GRIK4: variants seen among roughly 807,000 people sequenced by gnomAD.
The protein encoded by GRIK4 is glutamate receptor ionotropic, kainate 4.
In GRIK4, 40 loss-of-function variants were observed where a neutral mutation model predicts 104.9. The observed-to-expected ratio is 0.38, with a 90% CI of 0.30 to 0.50. The LOEUF (loss-of-function observed/expected upper bound fraction) is 0.50. GRIK4 is among the 20% of genes least tolerant of loss of function. The pLI, the probability that GRIK4 is intolerant of heterozygous loss-of-function variation, is 0.93. For synonymous variants in GRIK4, 485 were observed against 524.9 expected (o/e 0.92, Z 1.04); for missense variants, 1,047 against 1,308.1 (o/e 0.80, Z 3.08).
intron 1 of GRIK4, among the ~76,000 whole-genome samples, chr11:120,610,174 A>G (rs17245580): frequency 0.25 from 37,932 of 152,096 alleles, 5,377 homozygotes; most frequent in Non-Finnish European, 0.31. Flanking sequence ...TGGACTGCCT[A>G]TTATGATCCG....
chr11:120,624,153 T>G (rs532369911), intron 1 of GRIK4, among the ~76,000 whole-genome samples: 1 of 152,146 alleles, frequency 6.6e-6, no homozygotes, highest in East Asian at 1.9e-4. Flanking sequence ...TTTTAAGTGA[T>G]TAAACTGTTA....
intron 3 of GRIK4, among the ~76,000 whole-genome samples, chr11:120,747,100 T>A (rs530199801): frequency 6.6e-6 from 1 of 152,334 alleles, no homozygotes; most frequent in Admixed American, 6.5e-5. Flanking sequence ...AGGTGCGTGC[T>A]GTCGCCAAAC....
intron 14 of GRIK4, among the ~76,000 whole-genome samples, chr11:120,944,026 C>A (rs1943792392): frequency 6.6e-6 from 1 of 152,134 alleles, no homozygotes; most frequent in Non-Finnish European, 1.5e-5. Flanking sequence ...TCCTTAGGAC[C>A]AAAATAAGAA....
chr11:120,787,628 A>AG (rs1194138117), intron 3 of GRIK4, among the ~76,000 whole-genome samples: 1 of 149,990 alleles, frequency 6.7e-6, no homozygotes, highest in Non-Finnish European at 1.5e-5. Context: ...ACGCCCAGCT[A>AG]ATTTTTGTAT....
chr11:120,701,429 A>G (rs1185664289), intron 3 of GRIK4, among the ~76,000 whole-genome samples: 6 of 152,280 alleles, frequency 3.9e-5, no homozygotes, highest in African/African-American at 1.4e-4. Flanking sequence ...CTCTAGGTTC[A>G]TTCAGGTTGT....
At chr11:120,900,598 G>A (rs536373865) in intron 12 of GRIK4, among the ~76,000 whole-genome samples, 3 of 152,300 alleles carry the variant, frequency 2.0e-5, no homozygotes, top group East Asian at 3.9e-4. Flanking sequence ...AGCTGGAGCC[G>A]GGAAGGGCCT....
At chr11:120,620,095 T>C (rs765150077) in intron 1 of GRIK4, 4 of 734,282 alleles carry the variant, frequency 5.4e-6, no homozygotes, top group Admixed American at 1.8e-5. Flanking sequence ...ACTGGCCTCA[T>C]TGGTTTCGTT....
chr11:120,635,858 A>G (rs1173651189), intron 1 of GRIK4, among the ~76,000 whole-genome samples: 4 of 152,248 alleles, frequency 2.6e-5, no homozygotes, highest in Non-Finnish European at 5.9e-5. Flanking sequence ...TTGAATTTTT[A>G]GGAAGTGTAC....
At chr11:120,638,287 A>T (rs1244321065) in intron 1 of GRIK4, among the ~76,000 whole-genome samples, 1 of 152,188 alleles carries the variant, frequency 6.6e-6, no homozygotes, top group African/African-American at 2.4e-5. Flanking sequence ...CACTCTACAG[A>T]GAGGTAGAGT....
chr11:120,716,083 C>T (rs1241645024), intron 3 of GRIK4, among the ~76,000 whole-genome samples: 1 of 151,958 alleles, frequency 6.6e-6, no homozygotes, highest in African/African-American at 2.4e-5. Context: ...AGGGAGGGTA[C>T]GGAGCCTCCA....
intron 8 of GRIK4, among the ~76,000 whole-genome samples, chr11:120,850,504 A>G (rs1280391562): frequency 6.6e-6 from 1 of 152,182 alleles, no homozygotes; most frequent in Non-Finnish European, 1.5e-5. Flanking sequence ...AAATCCATAC[A>G]TCCCTTGATC....
Position 120,903,501 on chromosome 11 carries a change from G to T in GRIK4, c.1273-1789G>T, listed in dbSNP as rs1245721982. ...TCCTGGGCCCTTGCTCCACCAGCTA[G>T]CATGGTTCTTTCCTCCTCTTTTCTC... On this transcript the variant is annotated intron_variant, in intron 12 of 20. Coordinates refer to ENST00000527524, the MANE Select transcript of GRIK4 (RefSeq NM_014619.5). The surrounding 1 kb of genome is among the most constrained non-coding windows in gnomAD (Gnocchi z 4.4). Among the ~76,000 whole-genome samples the T allele has an allele frequency of 6.6e-6, 1 of 152,038 alleles. No homozygotes were observed. The highest frequency in any genetic ancestry group is 6.6e-5 in the Admixed American group (1 of 15,258).
intron 3 of GRIK4, among the ~76,000 whole-genome samples, chr11:120,666,756 G>A (rs1591785609): frequency 6.6e-6 from 1 of 152,178 alleles, no homozygotes; most frequent in African/African-American, 2.4e-5. Context: ...CAGTTGGATC[G>A]AGCAGCGTGG....
Position 120,549,838 on chromosome 11 carries a change from C to A in GRIK4, c.-159+37951C>A, listed in dbSNP as rs1948122319. 6.6e-6 allele frequency among the ~76,000 whole-genome samples: 1 copy of A among 152,132 alleles called. No individual in the cohort carries two copies. The highest frequency in any genetic ancestry group is 2.1e-4 in the South Asian group (1 of 4,816). ...CCAGGCTGCTGCCAGTCTATGCAGC[C>A]CCTTTGTGGCCCTTAGAAAAAGGCT... On this transcript the variant is annotated intron_variant, in intron 1 of 20. Transcript: ENST00000527524. The surrounding 1 kb of genome is among the most constrained non-coding windows in gnomAD (Gnocchi z 4.7).
At chr11:120,666,126 G>A (rs985289041) in intron 3 of GRIK4, among the ~76,000 whole-genome samples, 1 of 152,190 alleles carries the variant, frequency 6.6e-6, no homozygotes, top group African/African-American at 2.4e-5. Flanking sequence ...ACTCCCAACC[G>A]CCTGGGTGAC....
At chr11:120,641,230 T>C (rs977077013) in intron 1 of GRIK4, among the ~76,000 whole-genome samples, 1 of 152,266 alleles carries the variant, frequency 6.6e-6, no homozygotes, top group African/African-American at 2.4e-5. Context: ...GAAATTTGAA[T>C]CTGTGTATTT....
At chr11:120,521,134 A>G (rs1947792982) in intron 1 of GRIK4, among the ~76,000 whole-genome samples, 1 of 151,832 alleles carries the variant, frequency 6.6e-6, no homozygotes, top group Non-Finnish European at 1.5e-5. Context: ...CACCCAGGCG[A>G]GAGTGCAGTG....
intron 19 of GRIK4, among the ~76,000 whole-genome samples, chr11:120,974,860 C>T (rs1302952099): frequency 6.6e-6 from 1 of 152,210 alleles, no homozygotes; most frequent in East Asian, 1.9e-4. Flanking sequence ...GTTTCATTTT[C>T]TTCTGCCTTT....
intron 1 of GRIK4, among the ~76,000 whole-genome samples, chr11:120,625,418 G>A (rs1380862531): frequency 6.6e-6 from 1 of 152,128 alleles, no homozygotes; most frequent in South Asian, 2.1e-4. Context: ...GAGCAGAGCC[G>A]GGGGAGGCGG....
Sources: allele counts gnomAD v4.1 joint callset (sites outside exome capture counted in the v4.1 genomes callset), GRCh38; gene constraint gnomAD v4.1.1; non-coding constraint Gnocchi (gnomAD v3.1); transcripts MANE v1.5; gene names NCBI Gene and HGNC (gene_info 2026-07-23, HGNC 2026-07-21).